The following FKBP11 variants were observed in gnomAD, a reference collection of about 807,000 sequenced individuals.
FKBP11 encodes peptidyl-prolyl cis-trans isomerase FKBP11.
In FKBP11, 21 loss-of-function variants were observed where a neutral mutation model predicts 24.7. The ratio of observed to expected loss-of-function variants is 0.85; its 90% CI spans 0.60 to 1.23. The LOEUF (loss-of-function observed/expected upper bound fraction) is 1.23. FKBP11 is among the 50% of genes most tolerant of loss of function. The pLI, the probability that FKBP11 is intolerant of heterozygous loss-of-function variation, is 0.00. For missense variants in FKBP11, 245 were observed against 248.7 expected, an observed-to-expected ratio of 0.99 and a Z score of 0.10; for synonymous variants, 106 against 100.6, an observed-to-expected ratio of 1.05 and a Z score of -0.32.
chr12:48,938,198 TGGAG>T, the FKBP11 span: 1 of 348,844 alleles, frequency 2.9e-6, no homozygotes, highest in Admixed American at 3.7e-5. Context: ...CTAAGAAGGG[TGGAG>T]AGAAGAGTAC....
At chr12:48,933,530 C>T in the FKBP11 span, among the ~76,000 whole-genome samples, 3 of 152,100 alleles carry the variant, frequency 2.0e-5, no homozygotes, top group African/African-American at 7.2e-5. Context: ...GGTGAAACCC[C>T]ATCTCTACTA....
chr12:48,924,067 CT>C, intron 4 of FKBP11, 155 bp downstream of exon 4: 1 of 940,192 alleles, frequency 1.1e-6, no homozygotes. Flanking sequence ...GGCACAGAGG[CT>C]TTGAATGCCC....
intron 1 of FKBP11, 88 bp from the exon 2 acceptor site, chr12:48,925,199 G>T (rs780222684): frequency 5.7e-6 from 9 of 1,585,084 alleles, no homozygotes; most frequent in Middle Eastern, 1.7e-4. Flanking sequence ...CTCAGTTCCC[G>T]CACTTCCTCT....
At chr12:48,932,164 T>TA in the FKBP11 span, among the ~76,000 whole-genome samples, 3 of 94,626 alleles carry the variant, frequency 3.2e-5, no homozygotes, top group African/African-American at 1.1e-4. Context: ...TAAATAAAAG[T>TA]AAAAATATAT....
At chr12:48,925,706 GC>G, upstream of FKBP11, 1 of 489,228 alleles carries the variant, frequency 2.0e-6, no homozygotes. Context: ...CCAAACAATA[GC>G]ACCCATTTAC....
chr12:48,925,496 GT>G, upstream of FKBP11: 1 of 1,506,130 alleles, frequency 6.6e-7, no homozygotes, highest in Non-Finnish European at 8.9e-7. Context: ...CCAGGACAGC[GT>G]TCCCGCGGCG....
the FKBP11 span, chr12:48,938,770 T>C: frequency 1.4e-6 from 1 of 719,012 alleles, no homozygotes; most frequent in Non-Finnish European, 2.3e-6. Context: ...GGATTGGTCA[T>C]ATAGGTGGAC....
chr12:48,936,994 C>A, the FKBP11 span: 245 of 152,158 alleles, frequency 1.6e-3, 2 homozygotes, highest in South Asian at 2.9e-3. Flanking sequence ...CTCCAACACC[C>A]CCCCCACAAC....
the FKBP11 span, chr12:48,936,952 G>A: frequency 6.6e-6 from 1 of 151,946 alleles, no homozygotes; most frequent in East Asian, 1.9e-4. Context: ...GTGGGGCCAG[G>A]GAAATGAATA....
In FKBP11 at chr12:48,924,555, A is replaced by T; in HGVS notation, c.283+6T>A. The T allele has an allele frequency of 6.2e-7, 1 of 1,612,632 alleles. No homozygotes were observed. The highest frequency in any genetic ancestry group is 8.5e-7 in the Non-Finnish European group (1 of 1,178,612). On this transcript the variant is annotated splice_donor_region_variant and intron_variant, in intron 3 of 5. Coordinates refer to ENST00000550765, the MANE Select transcript of FKBP11 (RefSeq NM_016594.3). ...AGAGGTGGAATGGGAGGCACAGGTC[A>T]CATACCTGGAATCACCTGCTTTTGG...
chr12:48,928,690 G>A (rs1940011506), upstream of FKBP11, among the ~76,000 whole-genome samples: 1 of 151,896 alleles, frequency 6.6e-6, no homozygotes, highest in South Asian at 2.1e-4. Context: ...TGTCGGCCAG[G>A]CCGGTGTTGA....
upstream of FKBP11, chr12:48,925,542 G>C (rs1565701252): frequency 7.7e-7 from 1 of 1,304,678 alleles, no homozygotes. Flanking sequence ...GGCGGGTCGC[G>C]ATGCTAGAGC....
chr12:48,934,342 G>A, the FKBP11 span, among the ~76,000 whole-genome samples: 1 of 152,186 alleles, frequency 6.6e-6, no homozygotes, highest in Non-Finnish European at 1.5e-5. Flanking sequence ...CCCTTGCCCA[G>A]ATTATCCTGA....
chr12:48,925,105 G>T lies in FKBP11; in HGVS notation c.136C>A (p.Pro46Thr). The T allele has an allele frequency of 6.2e-7, 1 of 1,613,634 alleles. No homozygotes were observed. The highest frequency in any genetic ancestry group is 8.5e-7 in the Non-Finnish European group (1 of 1,179,826). Residue 46 changes from proline to threonine, a missense_variant, in exon 2 of 6, where the codon CCC (proline) becomes ACC (threonine). Coordinates refer to ENST00000550765, the MANE Select transcript of FKBP11 (RefSeq NM_016594.3). ...GCGGGCTCGGCACATGGTTCTGGGG[G>T]CTCCACCTACGATCGGACTACAGGG... ...RTLQVETLVE[P>T]PEPCAEPAAF...
chr12:48,925,399 G>C lies in FKBP11; in HGVS notation c.30C>G (p.Leu10=), dbSNP rs1489720089. ...TGAGCAGCAGCAGCAGCAGCAGATG[G>C]AGCGGGAGGAGTGAGGGGCGCAGGG... MTLRPSLLP[L]HLLLLLLLSA... Residue 10 remains leucine (L), a synonymous_variant, in exon 1 of 6, where the codon CTC becomes CTG. Coordinates refer to ENST00000550765, the MANE Select transcript of FKBP11 (RefSeq NM_016594.3). 1 of 1,585,152 alleles carries C rather than the reference G, an allele frequency of 6.3e-7. No homozygotes were observed. The highest frequency in any genetic ancestry group is 8.6e-7 in the Non-Finnish European group (1 of 1,166,854).
At chr12:48,928,815 T>C (rs1209757781), upstream of FKBP11, among the ~76,000 whole-genome samples, 1 of 134,920 alleles carries the variant, frequency 7.4e-6, no homozygotes, top group Non-Finnish European at 1.6e-5. Flanking sequence ...AATAAACTTC[T>C]ATCTTTTTTT....
upstream of FKBP11, among the ~76,000 whole-genome samples, chr12:48,926,832 G>A (rs573534501): frequency 3.2e-3 from 490 of 151,384 alleles, 2 homozygotes; most frequent in Non-Finnish European, 4.6e-3. Context: ...TTGTTGAGAC[G>A]GAGTTTCACT....
rs779926849 is a variant in FKBP11, at chr12:48,925,474, G to A, written c.-46C>T. 38 of 1,529,730 alleles carry A rather than the reference G, an allele frequency of 2.5e-5. No individual in the cohort carries two copies. Among genetic ancestry groups the A allele is most frequent in the Non-Finnish European group, 3.2e-5 (36 of 1,138,382 alleles). 94.8% of individuals were successfully genotyped at this position (1,529,730 alleles called of 1,614,324 possible). Reference sequence around the variant, plus strand: ...GCCGGGGCACCAGGACAGGCTGTTCGGGTGGCGGCAGCCAGGACAGCGTTC... The same window carrying A: ...GCCGGGGCACCAGGACAGGCTGTTCAGGTGGCGGCAGCCAGGACAGCGTTC... On this transcript the variant is annotated 5_prime_UTR_variant, in exon 1 of 6. Coordinates refer to ENST00000550765, the MANE Select transcript of FKBP11 (RefSeq NM_016594.3).
chr12:48,924,912 C>A, intron 2 of FKBP11, 134 bp downstream of exon 2: 1 of 1,441,910 alleles, frequency 6.9e-7, no homozygotes. Context: ...TCTCCCCTCG[C>A]CACGTGCTCG....
Sources: allele counts gnomAD v4.1 joint callset (sites outside exome capture counted in the v4.1 genomes callset), GRCh38; gene constraint gnomAD v4.1.1; transcripts MANE v1.5; gene names NCBI Gene and HGNC (gene_info 2026-07-23, HGNC 2026-07-21).